The following NTNG1 variants were observed in gnomAD, a reference collection of about 807,000 sequenced individuals.
NTNG1 encodes netrin-G1.
In NTNG1, 16 loss-of-function variants were observed where a neutral mutation model predicts 54.0. That is an observed-to-expected ratio of 0.30 (90% CI 0.20 to 0.45). The LOEUF (loss-of-function observed/expected upper bound fraction) is 0.45. Ranked by LOEUF, NTNG1 falls within the 20% of genes least tolerant of loss-of-function variation. The pLI is 1.00. For missense variants in NTNG1, 530 were observed against 678.7 expected (o/e 0.78, Z 2.43); for synonymous variants, 255 against 263.1 (o/e 0.97, Z 0.30).
At chr1:107,263,886 A>G (rs548018747) in intron 2 of NTNG1, among the ~76,000 whole-genome samples, 127 of 152,328 alleles carry the variant, frequency 8.3e-4, no homozygotes, top group African/African-American at 2.8e-3. Flanking sequence ...GTTATAGTAC[A>G]ATCCATCATG....
At chr1:107,475,161 A>C (rs1678233492) in intron 7 of NTNG1, among the ~76,000 whole-genome samples, 1 of 152,212 alleles carries the variant, frequency 6.6e-6, no homozygotes, top group African/African-American at 2.4e-5. Flanking sequence ...TACAGCTGCA[A>C]ATCTACTGAC....
chr1:107,468,874 G>C (rs1677776612), intron 7 of NTNG1, among the ~76,000 whole-genome samples: 1 of 152,066 alleles, frequency 6.6e-6, no homozygotes, highest in South Asian at 2.1e-4. Context: ...AAGGTGGGCG[G>C]ATCATGAGGT....
At chr1:107,210,127 G>A (rs1441438165) in intron 2 of NTNG1, among the ~76,000 whole-genome samples, 1 of 152,018 alleles carries the variant, frequency 6.6e-6, no homozygotes, top group African/African-American at 2.4e-5. Flanking sequence ...GAGGGGGAGA[G>A]GACACTGCTC....
intron 6 of NTNG1, among the ~76,000 whole-genome samples, chr1:107,434,438 C>T (rs1407184964): frequency 6.6e-6 from 1 of 152,126 alleles, no homozygotes; most frequent in Non-Finnish European, 1.5e-5. Context: ...TCCTTGCATG[C>T]TTCTGTTTCA....
intron 3 of NTNG1, among the ~76,000 whole-genome samples, chr1:107,393,624 G>C (rs909032584): frequency 1.3e-5 from 2 of 151,868 alleles, no homozygotes; most frequent in African/African-American, 4.8e-5. Flanking sequence ...CCCCGAGAAA[G>C]CTGTAGCTTG....
chr1:107,232,875 G>T (rs1661166424), intron 2 of NTNG1, among the ~76,000 whole-genome samples: 1 of 152,176 alleles, frequency 6.6e-6, no homozygotes, highest in Non-Finnish European at 1.5e-5. Flanking sequence ...GTATAGCTCA[G>T]ACTACAGAGA....
At position 107,430,305 on chromosome 1, in the gene NTNG1, G is replaced by T. The variant is rs1570944493; in HGVS notation, c.1088-445G>T. Among the ~76,000 whole-genome samples, 12 of 152,214 alleles carry T rather than the reference G, an allele frequency of 7.9e-5. No homozygotes were observed. In the South Asian group the frequency reaches 2.5e-3, roughly 32 times the overall value. On this transcript the variant is annotated intron_variant, in intron 5 of 7. Transcript: ENST00000370068. ...ATGTCAGAGAGCTAAAGGAGCCATG[G>T]TGATGGTACTTAGACTCTCAATGCT...
At chr1:107,252,842 G>T (rs1662696272) in intron 2 of NTNG1, among the ~76,000 whole-genome samples, 1 of 152,166 alleles carries the variant, frequency 6.6e-6, no homozygotes, top group Non-Finnish European at 1.5e-5. Flanking sequence ...CTGATTCAAA[G>T]ATAATAACTT....
At chr1:107,167,181 T>G (rs1159970603) in intron 2 of NTNG1, among the ~76,000 whole-genome samples, 1 of 152,058 alleles carries the variant, frequency 6.6e-6, no homozygotes, top group African/African-American at 2.4e-5. Context: ...TCTATTTTAT[T>G]TGATTTGCCC....
intron 3 of NTNG1, among the ~76,000 whole-genome samples, chr1:107,326,636 T>C (rs1217970820): frequency 1.3e-5 from 2 of 152,136 alleles, no homozygotes; most frequent in Non-Finnish European, 2.9e-5. Flanking sequence ...TTAATCCTAG[T>C]GTAATCTACA....
intron 2 of NTNG1, among the ~76,000 whole-genome samples, chr1:107,250,570 TA>T (rs11286992): frequency 0.98 from 148,016 of 151,434 alleles, 72,388 homozygotes; most frequent in East Asian, 1. Context: ...AATTAAAAAA[TA>T]AAAAAAATAA....
At chr1:107,220,692 C>G (rs1297149338) in intron 2 of NTNG1, among the ~76,000 whole-genome samples, 1 of 152,194 alleles carries the variant, frequency 6.6e-6, no homozygotes. Context: ...TGAACATTAA[C>G]TGATTTAAAG....
rs986987219 is a variant in NTNG1 at position 107,242,178 on chromosome 1, G to C, written c.247-82104G>C. 3.3e-5 allele frequency among the ~76,000 whole-genome samples: 5 copies of C among 152,198 alleles called. No individual in the cohort carries two copies. The South Asian group carries it at 1.0e-3, about 32-fold the overall frequency. The stretch of plus-strand genomic sequence containing the variant: ...AGTCCCAGCTACTTGGAGGAGGGGG[G>C]GTGAGGGGATGGGGTCAGAGGAGTG... On this transcript the variant is annotated intron_variant, in intron 2 of 7. Transcript: ENST00000370068.
At chr1:107,478,013 C>T (rs1458864000) in intron 7 of NTNG1, among the ~76,000 whole-genome samples, 1 of 152,158 alleles carries the variant, frequency 6.6e-6, no homozygotes, top group Admixed American at 6.5e-5. Context: ...GGGTTAAGTG[C>T]AAGGTTGAGC....
intron 3 of NTNG1, among the ~76,000 whole-genome samples, chr1:107,361,441 G>A (rs1052022205): frequency 6.4e-5 from 9 of 139,576 alleles, no homozygotes; most frequent in African/African-American, 2.4e-4. Context: ...CCAGGCTGGA[G>A]TGCAATGGCG....
chr1:107,464,566 A>G (rs1331304943), intron 7 of NTNG1, among the ~76,000 whole-genome samples: 13 of 152,188 alleles, frequency 8.5e-5, no homozygotes, highest in Admixed American at 8.5e-4. Flanking sequence ...GCACGGAACA[A>G]CAAGTGAAAA....
chr1:107,268,931 T>C (rs1450021112), intron 2 of NTNG1, among the ~76,000 whole-genome samples: 1 of 152,142 alleles, frequency 6.6e-6, no homozygotes, highest in Non-Finnish European at 1.5e-5. Context: ...CTCCAAGCCA[T>C]TGTCATCTCC....
intron 7 of NTNG1, among the ~76,000 whole-genome samples, chr1:107,461,636 C>T (rs142799144): frequency 0.011 from 1,723 of 151,632 alleles, 25 homozygotes; most frequent in African/African-American, 0.04. Flanking sequence ...CGGGTTCAAG[C>T]GATTCCCCTG....
intron 2 of NTNG1, among the ~76,000 whole-genome samples, chr1:107,156,622 A>G (rs1655017666): frequency 6.9e-6 from 1 of 145,672 alleles, no homozygotes; most frequent in African/African-American, 2.8e-5. Context: ...AAAGAATGAT[A>G]TGGCAAAATG....
Sources: allele counts gnomAD v4.1 joint callset (sites outside exome capture counted in the v4.1 genomes callset), GRCh38; gene constraint gnomAD v4.1.1; transcripts MANE v1.5; gene names NCBI Gene and HGNC (gene_info 2026-07-23, HGNC 2026-07-21).